Variants in GPHN observed in about 807,000 individuals in gnomAD.
The protein encoded by GPHN is gephyrin.
GPHN carries 17 observed loss-of-function variants against 95.5 expected under a neutral mutation model. That is an observed-to-expected ratio of 0.18 (90% CI 0.12 to 0.27). GPHN has a LOEUF of 0.27. Ranked by LOEUF, GPHN falls within the 10% of genes least tolerant of loss-of-function variation. The probability of loss-of-function intolerance (pLI) is 1.00; values close to 1 mark genes in which losing one functional copy is unlikely to be tolerated. For synonymous variants in GPHN, 320 were observed against 322.5 expected, an observed-to-expected ratio of 0.99 and a Z score of 0.08; for missense variants, 660 against 978.1, an observed-to-expected ratio of 0.67 and a Z score of 4.34.
the GPHN span, among the ~76,000 whole-genome samples, chr14:67,215,771 T>C: frequency 2.0e-5 from 3 of 152,130 alleles, no homozygotes; most frequent in African/African-American, 7.2e-5. Flanking sequence ...ATTGATCAGG[T>C]CTGGTCACTC....
intron 2 of GPHN, among the ~76,000 whole-genome samples, chr14:66,715,382 A>G (rs1466691538): frequency 1.3e-5 from 2 of 152,036 alleles, no homozygotes; most frequent in Admixed American, 6.6e-5. Context: ...TTCTTGGTTA[A>G]TCTTGCTAAT....
the GPHN span, among the ~76,000 whole-genome samples, chr14:67,519,281 A>G: frequency 1.3e-5 from 2 of 152,240 alleles, no homozygotes; most frequent in Non-Finnish European, 2.9e-5. Flanking sequence ...TTCATTGGAA[A>G]AGAATATGAT....
At chr14:66,560,813 T>G (rs1313718234) in intron 1 of GPHN, among the ~76,000 whole-genome samples, 1 of 152,220 alleles carries the variant, frequency 6.6e-6, no homozygotes, top group Non-Finnish European at 1.5e-5. Context: ...CATCCCTATC[T>G]TGTGCCAGTT....
chr14:67,569,788 C>A, the GPHN span: 1 of 672,510 alleles, frequency 1.5e-6, no homozygotes, highest in Non-Finnish European at 2.7e-6. Context: ...ATGAACAGGG[C>A]CCTGGCCCCC....
chr14:67,402,824 T>C, the GPHN span, among the ~76,000 whole-genome samples: 2 of 152,210 alleles, frequency 1.3e-5, no homozygotes, highest in African/African-American at 2.4e-5. Flanking sequence ...CATTCATGTG[T>C]TGGAGGACAC....
chr14:67,094,752 T>C lies in GPHN; in HGVS notation c.1237+5677T>C, dbSNP rs183527014. Among the ~76,000 whole-genome samples, 10 of 152,318 alleles carry C rather than the reference T, an allele frequency of 6.6e-5. No homozygotes were observed. The South Asian group carries it at 1.0e-3, about 16-fold the overall frequency. ...AAAACAGACTCTTACATGATGGTGG[T>C]CCCATGAGATTACAATGGAGCTGAA... On this transcript the variant is annotated intron_variant, in intron 12 of 22. Coordinates refer to ENST00000478722, the MANE Select transcript of GPHN (RefSeq NM_020806.5).
chr14:67,650,815 T>G, the GPHN span: 1 of 1,614,064 alleles, frequency 6.2e-7, no homozygotes, highest in South Asian at 1.1e-5. Flanking sequence ...ATGTGATTGC[T>G]TCAAGCTTTG....
intron 6 of GPHN, among the ~76,000 whole-genome samples, chr14:66,921,836 C>T (rs934812018): frequency 2.6e-5 from 4 of 152,078 alleles, no homozygotes; most frequent in Non-Finnish European, 4.4e-5. Context: ...GTCACCAAAA[C>T]AGCATGGTAC....
chr14:66,856,002 T>G (rs144713952), intron 4 of GPHN, among the ~76,000 whole-genome samples: 453 of 152,264 alleles, frequency 3.0e-3, no homozygotes, highest in African/African-American at 0.011. Flanking sequence ...TTTTTATTAA[T>G]TATTTCTGAC....
At chr14:67,205,933 C>T in the GPHN span, among the ~76,000 whole-genome samples, 4 of 152,270 alleles carry the variant, frequency 2.6e-5, no homozygotes, top group East Asian at 1.9e-4. Context: ...TCTGTAATCC[C>T]GGCACTTTGG....
chr14:66,854,919 C>CTCACT (rs1189536121), intron 4 of GPHN, among the ~76,000 whole-genome samples: 3 of 151,486 alleles, frequency 2.0e-5, no homozygotes, highest in Non-Finnish European at 4.4e-5. Flanking sequence ...ACGATCTCAG[C>CTCACT]TCACTGCAAC....
chr14:66,957,327 C>T (rs576997366), intron 8 of GPHN, among the ~76,000 whole-genome samples: 3 of 151,024 alleles, frequency 2.0e-5, no homozygotes, highest in Non-Finnish European at 4.4e-5. Flanking sequence ...TCCCAGGTAG[C>T]TGGGATTACA....
chr14:67,308,657 C>T, the GPHN span, among the ~76,000 whole-genome samples: 9 of 151,356 alleles, frequency 5.9e-5, no homozygotes, highest in African/African-American at 1.2e-4. Flanking sequence ...GTGATTCTCC[C>T]GCCTCAGCCT....
intron 3 of GPHN, among the ~76,000 whole-genome samples, chr14:66,798,316 G>T (rs769495500): frequency 6.6e-6 from 1 of 151,726 alleles, no homozygotes; most frequent in African/African-American, 2.4e-5. Context: ...TAGTATCAGG[G>T]TAATATTAGC....
chr14:67,050,074 G>A (rs8008739), intron 10 of GPHN, among the ~76,000 whole-genome samples: 39,900 of 152,024 alleles, frequency 0.26, 10,735 homozygotes, highest in African/African-American at 0.66. Context: ...ACCAAGGACC[G>A]GTATCAATCC....
the GPHN span, chr14:67,715,222 A>AAG: frequency 2.8e-4 from 42 of 152,134 alleles, no homozygotes; most frequent in African/African-American, 9.2e-4. Context: ...GTTAAAAAAT[A>AAG]AAAGGGGGGG....
intron 13 of GPHN, among the ~76,000 whole-genome samples, chr14:67,102,624 C>T (rs2077776619): frequency 2.6e-5 from 4 of 151,984 alleles, no homozygotes; most frequent in African/African-American, 7.3e-5. Context: ...CTCACCACTG[C>T]ACTCCAGCCT....
chr14:67,289,335 C>T, the GPHN span, among the ~76,000 whole-genome samples: 41 of 152,188 alleles, frequency 2.7e-4, no homozygotes, highest in African/African-American at 9.6e-4. Context: ...CTGAACAATA[C>T]AATATAACAG....
intron 4 of GPHN, among the ~76,000 whole-genome samples, chr14:66,836,897 C>T (rs1425407786): frequency 6.6e-6 from 1 of 150,808 alleles, no homozygotes; most frequent in Non-Finnish European, 1.5e-5. Context: ...CAATGAGATA[C>T]CATCTCACAC....
Sources: allele counts gnomAD v4.1 joint callset (sites outside exome capture counted in the v4.1 genomes callset), GRCh38; gene constraint gnomAD v4.1.1; transcripts MANE v1.5; gene names NCBI Gene and HGNC (gene_info 2026-07-23, HGNC 2026-07-21).